The following ENTHD1 variants were observed in gnomAD, a reference collection of about 807,000 sequenced individuals.
ENTHD1 encodes ENTH domain-containing protein 1.
ENTHD1 carries 23 observed loss-of-function variants against 39.1 expected under a neutral mutation model. The observed-to-expected ratio is 0.59, with a 90% confidence interval of 0.42 to 0.83. The LOEUF is 0.83. Ranked by LOEUF, ENTHD1 falls within the 40% of genes least tolerant of loss-of-function variation. The probability of loss-of-function intolerance (pLI) is 0.00; values close to 1 mark genes in which losing one functional copy is unlikely to be tolerated. For missense variants in ENTHD1, 624 were observed against 705.4 expected (o/e 0.88, Z 1.31); for synonymous variants, 230 against 258.2 (o/e 0.89, Z 1.05).
chr22:39,887,806 G>A lies in ENTHD1; in HGVS notation c.-58C>T. The A allele has an allele frequency of 7.7e-7, 1 of 1,301,026 alleles. No individual in the cohort carries two copies. The highest frequency in any genetic ancestry group is 1.1e-6 in the Non-Finnish European group (1 of 950,208). The allele number at this position is 1,301,026 out of a possible 1,614,324, so 80.6% of individuals were successfully genotyped here. On this transcript the variant is annotated 5_prime_UTR_variant, in exon 2 of 7. Transcript: ENST00000325157. Reference sequence around the variant, plus strand: ...TGAAAGCAATGGAATAACAGTTTATGTCACGGGTTTATAAAACTCTTGACA... The same window carrying A: ...TGAAAGCAATGGAATAACAGTTTATATCACGGGTTTATAAAACTCTTGACA...
intron 2 of ENTHD1, among the ~76,000 whole-genome samples, chr22:39,880,969 C>T (rs2066332468): frequency 6.6e-6 from 1 of 152,170 alleles, no homozygotes; most frequent in Non-Finnish European, 1.5e-5. Context: ...AGTTATTCAA[C>T]CTCTGTGCAC....
chr22:39,746,059 C>A (rs1193550292), intron 6 of ENTHD1, among the ~76,000 whole-genome samples: 2 of 152,150 alleles, frequency 1.3e-5, no homozygotes, highest in African/African-American at 4.8e-5. Context: ...TTTCCTTCAG[C>A]CCCAGAAAAT....
chr22:39,787,661 G>C (rs2065470368), intron 5 of ENTHD1, among the ~76,000 whole-genome samples: 1 of 152,174 alleles, frequency 6.6e-6, no homozygotes, highest in African/African-American at 2.4e-5. Flanking sequence ...CAAGGCCCTA[G>C]CTCTCTTCAA....
At position 39,867,648 on chromosome 22, in the gene ENTHD1, G is replaced by A. The variant is rs1396785292; in HGVS notation, c.350-5641C>T. ...AATCTACCCTCCACAATGCCTTCAG[G>A]TAACGCGGTGGGGGTAGAAAGGGAG... On this transcript the variant is annotated intron_variant, in intron 2 of 6. Coordinates refer to ENST00000325157, the MANE Select transcript of ENTHD1 (RefSeq NM_152512.4). The surrounding 1 kb of genome is among the most constrained non-coding windows in gnomAD (Gnocchi z 4.5). Among the ~76,000 whole-genome samples the A allele has an allele frequency of 2.0e-5, 3 of 151,816 alleles. No individual in the cohort carries two copies. The highest frequency in any genetic ancestry group is 4.4e-5 in the Non-Finnish European group (3 of 67,950).
At chr22:39,841,212 C>A (rs571132603) in intron 3 of ENTHD1, among the ~76,000 whole-genome samples, 5 of 152,124 alleles carry the variant, frequency 3.3e-5, no homozygotes, top group Non-Finnish European at 7.4e-5. Flanking sequence ...ATTCTCTATT[C>A]TCATTATCTA....
intron 3 of ENTHD1, among the ~76,000 whole-genome samples, chr22:39,842,300 G>T (rs2065950446): frequency 6.6e-6 from 1 of 152,120 alleles, no homozygotes; most frequent in Non-Finnish European, 1.5e-5. Context: ...CTAGATTGGG[G>T]AAGTTCTCCT....
At chr22:39,883,787 G>A (rs2066358688) in intron 2 of ENTHD1, among the ~76,000 whole-genome samples, 1 of 149,214 alleles carries the variant, frequency 6.7e-6, no homozygotes, top group Non-Finnish European at 1.5e-5. Flanking sequence ...CCTGGGAGGC[G>A]GAGCTTGCAG....
intron 2 of ENTHD1, among the ~76,000 whole-genome samples, chr22:39,865,697 A>G (rs1398680582): frequency 6.6e-6 from 1 of 152,222 alleles, no homozygotes; most frequent in African/African-American, 2.4e-5. Flanking sequence ...ACACATCAAG[A>G]TAAAAAGGTT....
intron 3 of ENTHD1, among the ~76,000 whole-genome samples, chr22:39,839,274 C>T (rs2065927505): frequency 6.6e-6 from 1 of 152,104 alleles, no homozygotes; most frequent in African/African-American, 2.4e-5. Flanking sequence ...ATAAGTCTAA[C>T]ATACAGACTT....
chr22:39,757,953 A>T (rs944480184), intron 6 of ENTHD1, among the ~76,000 whole-genome samples: 1 of 152,092 alleles, frequency 6.6e-6, no homozygotes, highest in Non-Finnish European at 1.5e-5. Context: ...TTCTCCTTCC[A>T]CCATGATTCT....
At chr22:39,765,157 C>G in intron 6 of ENTHD1, 66 bp downstream of exon 6, 1 of 1,452,516 alleles carries the variant, frequency 6.9e-7, no homozygotes, top group Non-Finnish European at 9.0e-7. Context: ...TAAAATAATG[C>G]TTCAAAAGAG....
At chr22:39,765,027 C>A (rs944595607) in intron 6 of ENTHD1, among the ~76,000 whole-genome samples, 196 bp downstream of exon 6, 5 of 152,066 alleles carry the variant, frequency 3.3e-5, no homozygotes, top group South Asian at 2.1e-4. Flanking sequence ...TATCTATTAG[C>A]CCTTTAATAA....
chr22:39,828,232 G>A (rs1282527839), intron 4 of ENTHD1, among the ~76,000 whole-genome samples: 2 of 152,184 alleles, frequency 1.3e-5, no homozygotes. Context: ...GCATGGAGGA[G>A]TAAGGAGCCA....
At position 39,820,066 on chromosome 22, in the gene ENTHD1, C is replaced by T. The variant is rs141500893; in HGVS notation, c.832+927G>A. 3.3e-3 allele frequency among the ~76,000 whole-genome samples: 495 copies of T among 152,272 alleles called. 10 individuals carry two copies. Among genetic ancestry groups the T allele is most frequent in the African/African-American group, 0.011 (471 of 41,556 alleles). On this transcript the variant is annotated intron_variant, in intron 5 of 6. Coordinates refer to ENST00000325157, the MANE Select transcript of ENTHD1 (RefSeq NM_152512.4). Reference sequence around the variant, plus strand: ...TCCTTATACAAACATCACTATAACCCCCAATTTCTTGTTTTTGTGTTTATT... The same window carrying T: ...TCCTTATACAAACATCACTATAACCTCCAATTTCTTGTTTTTGTGTTTATT...
At chr22:39,847,839 A>G (rs1288855158) in intron 3 of ENTHD1, among the ~76,000 whole-genome samples, 4 of 152,248 alleles carry the variant, frequency 2.6e-5, no homozygotes, top group African/African-American at 9.6e-5. Flanking sequence ...ATGATGCTAT[A>G]ACAAATTACC....
chr22:39,816,247 G>A (rs2065732999), intron 5 of ENTHD1, among the ~76,000 whole-genome samples: 1 of 152,168 alleles, frequency 6.6e-6, no homozygotes. Context: ...GGATAAGTTA[G>A]TGAACTGGAC....
rs376432935 is a variant in ENTHD1, at chr22:39,826,905, CTCTG to C, written c.712-5796_712-5793del. Among the ~76,000 whole-genome samples the C allele has an allele frequency of 2.5e-3, 385 of 151,494 alleles. 1 individual carries two copies. The highest frequency in any genetic ancestry group is 8.9e-3 in the African/African-American group (368 of 41,306). On this transcript the variant is annotated intron_variant, in intron 4 of 6. Transcript: ENST00000325157. The stretch of plus-strand genomic sequence containing the variant: ...TTTTAAATTTTGAGGGAGAGTCGTG[CTCTG>C]TTGCCCAGACTGGAATGCAGTGGTA...
At chr22:39,841,638 G>A (rs943454805) in intron 3 of ENTHD1, among the ~76,000 whole-genome samples, 1 of 150,626 alleles carries the variant, frequency 6.6e-6, no homozygotes, top group African/African-American at 2.4e-5. Flanking sequence ...GTCTCTGCAC[G>A]TGAGATGGGT....
At chr22:39,789,801 C>T (rs1395660396) in intron 5 of ENTHD1, among the ~76,000 whole-genome samples, 1 of 151,994 alleles carries the variant, frequency 6.6e-6, no homozygotes. Context: ...AACAAAGCAG[C>T]CAAGGGGTAT....
Sources: gnomAD v4.1 joint callset for allele counts (sites outside exome capture counted in the v4.1 genomes callset) on GRCh38, gnomAD v4.1.1 for gene constraint, Gnocchi (gnomAD v3.1) non-coding constraint, MANE v1.5 for transcripts, NCBI Gene and HGNC (gene_info 2026-07-23, HGNC 2026-07-21) for gene names.